ZNF608: variants seen among roughly 807,000 people sequenced by gnomAD.
ZNF608 encodes zinc finger protein 608, also known as renal carcinoma antigen NY-REN-36.
Under a neutral mutation model 109.0 loss-of-function variants are expected in ZNF608, and 12 were observed. The observed-to-expected ratio is 0.11, with a 90% CI of 0.07 to 0.18. The LOEUF (loss-of-function observed/expected upper bound fraction) is 0.18, where lower values mean the gene tolerates loss of function less well. ZNF608 is among the 10% of genes least tolerant of loss of function. ZNF608 has a pLI of 1.00. For synonymous variants in ZNF608, 732 were observed against 717.4 expected (o/e 1.02, Z -0.33); for missense variants, 1,707 against 1,879.3 (o/e 0.91, Z 1.70).
At chr5:124,644,691 C>A in intron 5 of ZNF608, 30 bp from the exon 6 acceptor site, 2 of 1,505,610 alleles carry the variant, frequency 1.3e-6, no homozygotes, top group Non-Finnish European at 1.8e-6. Context: ...GAAAAAAAAC[C>A]CAACAGATTT....
intron 3 of ZNF608, among the ~76,000 whole-genome samples, chr5:124,677,410 A>G (rs753151545): frequency 6.6e-6 from 1 of 152,212 alleles, no homozygotes; most frequent in Non-Finnish European, 1.5e-5. Context: ...CACACAGTCT[A>G]TGGTGTCCTG....
intron 2 of ZNF608, among the ~76,000 whole-genome samples, chr5:124,709,460 CT>C (rs1753404355): frequency 6.6e-6 from 1 of 152,312 alleles, no homozygotes; most frequent in African/African-American, 2.4e-5. Flanking sequence ...TCTTAAATTT[CT>C]TTTGTTATGA....
intron 3 of ZNF608, among the ~76,000 whole-genome samples, chr5:124,657,653 C>T (rs1322225751): frequency 3.3e-5 from 5 of 152,028 alleles, no homozygotes; most frequent in South Asian, 2.1e-4. Flanking sequence ...CCAGCCTGGG[C>T]GACAGAGCGA....
At position 124,647,473 on chromosome 5, in the gene ZNF608, T is replaced by G; in HGVS notation, c.2911A>C (p.Ser971Arg). The change falls in exon 5 of 10, where the codon AGT (serine) becomes CGT (arginine). Residue 971 changes from serine (S) to arginine (R), a missense_variant. Ser to Arg is a moderately radical substitution (Grantham distance 110). Coordinates refer to ENST00000513986, the MANE Select transcript of ZNF608 (RefSeq NM_020747.3). ...KASSPSDIIS[S>R]KDSVVKGHSS... Reference sequence around the variant, plus strand: ...TGCCCTTTTACAACACTGTCCTTACTAGAAATAATATCTGATGGGGAACTG... The same window carrying G: ...TGCCCTTTTACAACACTGTCCTTACGAGAAATAATATCTGATGGGGAACTG... The G allele has an allele frequency of 6.2e-7, 1 of 1,614,248 alleles. No homozygotes were observed. Among genetic ancestry groups the G allele is most frequent in the Non-Finnish European group, 8.5e-7 (1 of 1,180,044 alleles).
At position 124,648,622 on chromosome 5, in the gene ZNF608, C is replaced by G. The variant is rs148666540; in HGVS notation, c.1762G>C (p.Glu588Gln). 1.3e-5 allele frequency: 21 copies of G among 1,614,094 alleles called. No homozygotes were observed. The highest frequency in any genetic ancestry group is 1.6e-5 in the Non-Finnish European group (19 of 1,180,044). ...GAGATCTTGTCCTCACTGTCAGGCT[C>G]GAACTCCAGCTTGTTTTCTGGGTCT... ...HLDPENKLEF[E>Q]PDSEDKISDC... Residue 588 changes from glutamate to glutamine, a missense_variant, in exon 5 of 10, where the codon GAG becomes CAG. Glu to Gln is a conservative substitution (Grantham distance 29). Transcript: ENST00000513986.
intron 3 of ZNF608, among the ~76,000 whole-genome samples, chr5:124,668,915 T>A (rs1009678644): frequency 6.6e-6 from 1 of 152,174 alleles, no homozygotes; most frequent in African/African-American, 2.4e-5. Flanking sequence ...TAATCAATCA[T>A]TCAACCAATT....
chr5:124,640,207 A>G (rs891129144), intron 8 of ZNF608, among the ~76,000 whole-genome samples: 1 of 152,260 alleles, frequency 6.6e-6, no homozygotes, highest in Non-Finnish European at 1.5e-5. Flanking sequence ...ACAGTAGCAT[A>G]AGAGGCAACT....
rs574406231 is a variant in ZNF608 at position 124,660,624 on chromosome 5, A to G, written c.1163-10927T>C. Among the ~76,000 whole-genome samples, 11 of 152,326 alleles carry G rather than the reference A, an allele frequency of 7.2e-5. No individual in the cohort carries two copies. The South Asian group carries it at 1.9e-3, about 26-fold the overall frequency. ...GAGGCAGACTCACCTGTTCACAACC[A>G]GCTTTGTAGCCGCTTCATCTTGAGC... On this transcript the variant is annotated intron_variant, in intron 3 of 9. Coordinates refer to ENST00000513986, the MANE Select transcript of ZNF608 (RefSeq NM_020747.3).
intron 3 of ZNF608, among the ~76,000 whole-genome samples, chr5:124,694,982 T>C (rs889171661): frequency 6.6e-5 from 10 of 152,274 alleles, no homozygotes; most frequent in Non-Finnish European, 1.3e-4. Flanking sequence ...TCAGAACTTC[T>C]GTAGAGTTCA....
Position 124,639,178 on chromosome 5 carries a change from A to C in ZNF608, c.4487T>G (p.Val1496Gly). 2 of 1,614,240 alleles carry C rather than the reference A, an allele frequency of 1.2e-6. No individual in the cohort carries two copies. The highest frequency in any genetic ancestry group is 2.2e-5 in the South Asian group (2 of 91,088). The change falls in exon 9 of 10, where the codon GTG becomes GGG. Residue 1496 changes from valine to glycine, a missense_variant. Physicochemically the swap from Val to Gly is moderately radical, Grantham distance 109. Coordinates refer to ENST00000513986, the MANE Select transcript of ZNF608 (RefSeq NM_020747.3). ...TCCAGATGCAGATGCCTGGGCAGCCACCTGCTGAGAGGCAACAAGGGCAGC... is the reference window on the plus strand; with the variant it reads ...TCCAGATGCAGATGCCTGGGCAGCCCCCTGCTGAGAGGCAACAAGGGCAGC... ...TSAALVASQQ[V>G]AAQASASGMF...
At chr5:124,663,592 AT>A (rs1751365762) in intron 3 of ZNF608, among the ~76,000 whole-genome samples, 1 of 152,158 alleles carries the variant, frequency 6.6e-6, no homozygotes. Context: ...TGATTGAGAA[AT>A]TTTCAGCCAC....
intron 3 of ZNF608, among the ~76,000 whole-genome samples, chr5:124,698,924 A>G (rs1400743989): frequency 1.3e-5 from 2 of 152,224 alleles, no homozygotes; most frequent in Admixed American, 1.3e-4. Flanking sequence ...CAGTGAGGTC[A>G]CACTGCAGGG....
chr5:124,741,845 A>G (rs1419876226), intron 2 of ZNF608, among the ~76,000 whole-genome samples: 1 of 152,144 alleles, frequency 6.6e-6, no homozygotes, highest in Non-Finnish European at 1.5e-5. Flanking sequence ...GGAAAGCCTT[A>G]AGGAATAATG....
chr5:124,657,449 C>A (rs1751060921), intron 3 of ZNF608, among the ~76,000 whole-genome samples: 1 of 152,030 alleles, frequency 6.6e-6, no homozygotes. Context: ...CTCACGAGGT[C>A]AGGAGATCGA....
chr5:124,642,692 CT>C (rs755561532), intron 7 of ZNF608, among the ~76,000 whole-genome samples: 10,872 of 95,532 alleles, frequency 0.11, 172 homozygotes, highest in African/African-American at 0.21. Context: ...TTTCTATTGT[CT>C]TTTTTTTTTT....
intron 2 of ZNF608, among the ~76,000 whole-genome samples, chr5:124,732,399 T>C (rs545233836): frequency 3.9e-5 from 6 of 152,292 alleles, no homozygotes; most frequent in African/African-American, 1.4e-4. Flanking sequence ...GTGTTTAGAA[T>C]GATACTTCTA....
intron 2 of ZNF608, among the ~76,000 whole-genome samples, chr5:124,720,334 T>C (rs1479749750): frequency 1.3e-5 from 2 of 152,234 alleles, no homozygotes; most frequent in African/African-American, 4.8e-5. Flanking sequence ...TCTTCTTTTA[T>C]AATATATCTG....
intron 3 of ZNF608, among the ~76,000 whole-genome samples, chr5:124,700,707 C>T (rs965800891): frequency 6.6e-6 from 1 of 152,246 alleles, no homozygotes; most frequent in Admixed American, 6.5e-5. Context: ...ATCTATCTCC[C>T]TTCCTAATTT....
chr5:124,675,253 T>C (rs1360480653), intron 3 of ZNF608, among the ~76,000 whole-genome samples: 2 of 152,208 alleles, frequency 1.3e-5, no homozygotes, highest in African/African-American at 2.4e-5. Context: ...TTAGTAAGTT[T>C]CCAGTACATG....
Sources: allele counts gnomAD v4.1 joint callset (sites outside exome capture counted in the v4.1 genomes callset), GRCh38; gene constraint gnomAD v4.1.1; transcripts MANE v1.5; gene names NCBI Gene and HGNC (gene_info 2026-07-23, HGNC 2026-07-21).